The following KHDRBS2 variants were observed in gnomAD, a reference collection of about 807,000 sequenced individuals.
KHDRBS2 encodes KH RNA binding domain containing, signal transduction associated 2, also known as KH domain-containing, RNA-binding, signal transduction-associated protein 2.
A neutral mutation model predicts 44.3 loss-of-function variants in KHDRBS2; 26 were observed. The observed-to-expected ratio is 0.59, with a 90% CI of 0.43 to 0.81. KHDRBS2 has a LOEUF of 0.81. KHDRBS2 is among the 40% of genes least tolerant of loss of function. KHDRBS2 has a pLI of 0.00. For synonymous variants in KHDRBS2, 194 were observed against 151.1 expected, an observed-to-expected ratio of 1.28 and a Z score of -2.08; for missense variants, 476 against 433.1, an observed-to-expected ratio of 1.10 and a Z score of -0.88.
chr6:62,114,958 A>G (rs1280527532), intron 2 of KHDRBS2, among the ~76,000 whole-genome samples: 1 of 152,148 alleles, frequency 6.6e-6, no homozygotes, highest in Non-Finnish European at 1.5e-5. Flanking sequence ...TAATTTTCAA[A>G]TCTATGAATA....
chr6:61,975,093 C>T (rs751617137), intron 4 of KHDRBS2, among the ~76,000 whole-genome samples: 6 of 152,062 alleles, frequency 3.9e-5, no homozygotes, highest in Non-Finnish European at 7.4e-5. Context: ...GGGTTGTTTA[C>T]CAGCATCCTA....
chr6:62,188,069 C>A (rs1013761230), intron 1 of KHDRBS2, among the ~76,000 whole-genome samples: 1 of 151,982 alleles, frequency 6.6e-6, no homozygotes, highest in Admixed American at 6.6e-5. Flanking sequence ...AAACAACCAG[C>A]TCTCAGGTGA....
chr6:61,654,957 A>G, the KHDRBS2 span, among the ~76,000 whole-genome samples: 3 of 151,798 alleles, frequency 2.0e-5, no homozygotes, highest in Non-Finnish European at 4.4e-5. Flanking sequence ...CTGCCAGGGT[A>G]CTTACCCCCA....
intron 6 of KHDRBS2, among the ~76,000 whole-genome samples, chr6:61,877,759 A>C (rs1482986005): frequency 6.6e-6 from 1 of 151,958 alleles, no homozygotes; most frequent in African/African-American, 2.4e-5. Context: ...AAAATGGTTC[A>C]AGCATTTGGC....
At chr6:61,977,861 T>C (rs568368514) in intron 4 of KHDRBS2, among the ~76,000 whole-genome samples, 1 of 152,306 alleles carries the variant, frequency 6.6e-6, no homozygotes, top group East Asian at 1.9e-4. Flanking sequence ...AACATTGCTA[T>C]GGAACCATCA....
intron 1 of KHDRBS2, among the ~76,000 whole-genome samples, chr6:62,258,107 T>C (rs767977703): frequency 5.9e-5 from 9 of 152,016 alleles, no homozygotes; most frequent in Non-Finnish European, 1.2e-4. Context: ...TCAGTTTCCA[T>C]CTATAATGCT....
intron 4 of KHDRBS2, among the ~76,000 whole-genome samples, chr6:61,935,587 T>C (rs1190308626): frequency 1.3e-5 from 2 of 152,134 alleles, no homozygotes; most frequent in African/African-American, 4.8e-5. Flanking sequence ...TCATAGAAAT[T>C]ATGCACATTA....
At chr6:62,176,494 G>A (rs1263263591) in intron 2 of KHDRBS2, among the ~76,000 whole-genome samples, 1 of 151,196 alleles carries the variant, frequency 6.6e-6, no homozygotes, top group East Asian at 1.9e-4. Flanking sequence ...TCTTCAGAAA[G>A]TAAATTATCA....
chr6:61,844,256 C>T (rs112838137), intron 6 of KHDRBS2, among the ~76,000 whole-genome samples: 2,291 of 152,180 alleles, frequency 0.015, 62 homozygotes, highest in African/African-American at 0.052. Context: ...ACCTCTGTTC[C>T]GACCTCTCTA....
intron 6 of KHDRBS2, among the ~76,000 whole-genome samples, chr6:61,770,581 T>C (rs1373762961): frequency 2.6e-5 from 4 of 152,100 alleles, no homozygotes; most frequent in African/African-American, 9.7e-5. Flanking sequence ...GAAGAAAGGG[T>C]ATCAGTGATG....
chr6:61,753,537 TAATC>T (rs1468860885), intron 6 of KHDRBS2, among the ~76,000 whole-genome samples: 19 of 152,216 alleles, frequency 1.2e-4, no homozygotes, highest in African/African-American at 4.1e-4. Flanking sequence ...TCTGCTGAGT[TAATC>T]AATAGGATCT....
chr6:61,680,282 A>C lies in KHDRBS2; in HGVS notation c.*681T>G, dbSNP rs1250001450. On this transcript the variant is annotated 3_prime_UTR_variant, in exon 9 of 9. Coordinates refer to ENST00000281156, the MANE Select transcript of KHDRBS2 (RefSeq NM_152688.4). ...GCTTTATTGACAAATTATGGCAAAC[A>C]TATTTGACAAATTGTGGTTTCCTAT... 2.0e-5 allele frequency: 3 copies of C among 152,264 alleles called. No individual in the cohort carries two copies. Among genetic ancestry groups the C allele is most frequent in the Admixed American group, 6.6e-5 (1 of 15,202 alleles). 9.4% of individuals were successfully genotyped at this position (152,264 alleles called of 1,614,324 possible). A position where few individuals can be genotyped will look rare whatever the true frequency, so the allele number is the denominator to read the frequency against.
intron 2 of KHDRBS2, among the ~76,000 whole-genome samples, chr6:62,111,570 T>C (rs1804992215): frequency 6.6e-6 from 1 of 152,120 alleles, no homozygotes; most frequent in Non-Finnish European, 1.5e-5. Context: ...TCTCAAACTC[T>C]AGTAGCATCA....
At chr6:61,577,767 C>A in the KHDRBS2 span, among the ~76,000 whole-genome samples, 2 of 151,990 alleles carry the variant, frequency 1.3e-5, no homozygotes, top group Non-Finnish European at 2.9e-5. Context: ...TTATTTTTAA[C>A]ATTTTATTGT....
the KHDRBS2 span, among the ~76,000 whole-genome samples, chr6:61,664,851 C>A: frequency 4.0e-5 from 6 of 151,558 alleles, no homozygotes; most frequent in African/African-American, 7.3e-5. Context: ...TAGTTTAGCA[C>A]TATAGTTTTA....
the KHDRBS2 span, among the ~76,000 whole-genome samples, chr6:61,616,470 CATAT>C: frequency 0.07 from 10,193 of 144,954 alleles, 565 homozygotes; most frequent in African/African-American, 0.16. Flanking sequence ...AAAGAATATA[CATAT>C]ATATATATAT....
rs60124030 is a variant in KHDRBS2 at position 62,073,530 on chromosome 6, CT to C, written c.220-25537del. ...TGGTTTGGTGATTTTTTTCTTTTTT[CT>C]TTTTTTTTTTTTTTGTTTTATTTTC... On this transcript the variant is annotated intron_variant, in intron 2 of 8. Coordinates refer to ENST00000281156, the MANE Select transcript of KHDRBS2 (RefSeq NM_152688.4). Among the ~76,000 whole-genome samples the C allele has an allele frequency of 9.2e-3, 1,142 of 124,384 alleles. 12 individuals are homozygous for C. The highest frequency in any genetic ancestry group is 0.022 in the African/African-American group (737 of 33,100). 81.6% of individuals were successfully genotyped at this position (124,384 alleles called of 152,430 possible). A position where few individuals can be genotyped will look rare whatever the true frequency, so the allele number is the denominator to read the frequency against.
intron 6 of KHDRBS2, among the ~76,000 whole-genome samples, chr6:61,857,060 A>G (rs1429232269): frequency 6.6e-6 from 1 of 152,086 alleles, no homozygotes; most frequent in Admixed American, 6.6e-5. Flanking sequence ...GGCACACTTC[A>G]TCTGATAATC....
intron 6 of KHDRBS2, among the ~76,000 whole-genome samples, chr6:61,846,258 T>C (rs1444248222): frequency 1.3e-5 from 2 of 152,180 alleles, no homozygotes; most frequent in African/African-American, 2.4e-5. Context: ...AAGAGTAAAA[T>C]AGACTAAATT....
Sources: gnomAD v4.1 joint callset for allele counts (sites outside exome capture counted in the v4.1 genomes callset) on GRCh38, gnomAD v4.1.1 for gene constraint, MANE v1.5 for transcripts, NCBI Gene and HGNC (gene_info 2026-07-23, HGNC 2026-07-21) for gene names.